The following METTL8 variants were observed in gnomAD, a reference collection of about 807,000 sequenced individuals.
METTL8 encodes methyltransferase 8, tRNA N3-cytidine, also known as tRNA N(3)-cytidine methyltransferase METTL8, mitochondrial.
Under a neutral mutation model 48.7 loss-of-function variants are expected in METTL8, and 32 were observed. The ratio of observed to expected loss-of-function variants is 0.66; its 90% CI spans 0.50 to 0.88. METTL8 has a LOEUF of 0.88. Among genes scored for constraint, METTL8 ranks in the 40% least tolerant of loss-of-function variants. The probability of loss-of-function intolerance (pLI) is 0.00; values close to 1 mark genes in which losing one functional copy is unlikely to be tolerated. For synonymous variants in METTL8, 136 were observed against 157.1 expected, an observed-to-expected ratio of 0.87 and a Z score of 1.01; for missense variants, 464 against 474.4, an observed-to-expected ratio of 0.98 and a Z score of 0.20.
At chr2:171,330,834 C>A in intron 6 of METTL8, 136 bp from the exon 7 acceptor site, 1 of 668,140 alleles carries the variant, frequency 1.5e-6, no homozygotes, top group Non-Finnish European at 2.5e-6. Flanking sequence ...ACACTTTTTT[C>A]CAATTCAGTA....
intron 2 of METTL8, among the ~76,000 whole-genome samples, chr2:171,374,686 C>T (rs1007870278): frequency 1.3e-5 from 2 of 150,318 alleles, no homozygotes; most frequent in Non-Finnish European, 1.5e-5. Flanking sequence ...CCACCACTAG[C>T]ATCCACTGAT....
intron 1 of METTL8, among the ~76,000 whole-genome samples, chr2:171,415,791 T>C (rs1183376120): frequency 6.6e-6 from 1 of 152,194 alleles, no homozygotes; most frequent in Non-Finnish European, 1.5e-5. Flanking sequence ...GATGGTATAA[T>C]AGGCAGTAGG....
At position 171,319,644 on chromosome 2, in the gene METTL8, G is replaced by A. The variant is rs754829527; in HGVS notation, c.*4528C>T. The A allele has an allele frequency of 5.9e-5, 9 of 152,206 alleles. No individual in the cohort carries two copies. The highest frequency in any genetic ancestry group is 1.0e-4 in the Non-Finnish European group (7 of 68,038). 9.4% of individuals were successfully genotyped at this position (152,206 alleles called of 1,614,324 possible). ...AGCATATGGAATCGAGAGAGGCAAA[G>A]CAAATAAGTTCTCAGAAGTCAATGT... On this transcript the variant is annotated 3_prime_UTR_variant, in exon 10 of 10. Transcript: ENST00000375258.
chr2:171,421,969 T>C (rs148753064), intron 1 of METTL8, among the ~76,000 whole-genome samples: 1 of 152,350 alleles, frequency 6.6e-6, no homozygotes, highest in East Asian at 1.9e-4. Context: ...AATAAGGCTT[T>C]TGGGAAGCCC....
At chr2:171,382,412 A>G (rs1345692106) in intron 2 of METTL8, among the ~76,000 whole-genome samples, 2 of 152,190 alleles carry the variant, frequency 1.3e-5, no homozygotes, top group East Asian at 3.9e-4. Flanking sequence ...CAGGGACATA[A>G]ATGAAGCTGG....
chr2:171,351,915 A>G (rs1683972793), intron 3 of METTL8, among the ~76,000 whole-genome samples: 1 of 152,116 alleles, frequency 6.6e-6, no homozygotes, highest in Non-Finnish European at 1.5e-5. Flanking sequence ...GCAAATAGGG[A>G]AAATTTGACT....
At position 171,324,300 on chromosome 2, in the gene METTL8, G is replaced by A. The variant is rs1295443082; in HGVS notation, c.1096C>T (p.Arg366Cys). Residue 366 changes from arginine to cysteine, a missense_variant, in exon 10 of 10, where the codon CGC becomes TGC. By Grantham distance (180) the Arg-to-Cys change is radical (BLOSUM62 -3). Coordinates refer to ENST00000375258, the MANE Select transcript of METTL8 (RefSeq NM_001321154.2). ...LDEKQNLVDR[R>C]LQVNRKKQVK... ...TGTTTTTTCCTATTAACTTGTAAGC[G>A]GCGATCAACCAGATTTTGCTTTTCA... 16 of 1,551,426 alleles carry A rather than the reference G, an allele frequency of 1.0e-5. 2 individuals are homozygous for A. The Admixed American group carries it at 1.4e-4, about 13-fold the overall frequency.
At chr2:171,430,802 G>A (rs1456630831) in intron 1 of METTL8, among the ~76,000 whole-genome samples, 1 of 152,166 alleles carries the variant, frequency 6.6e-6, no homozygotes, top group Non-Finnish European at 1.5e-5. Flanking sequence ...GGACCAGATC[G>A]AGAACCTCTC....
intron 2 of METTL8, among the ~76,000 whole-genome samples, chr2:171,388,957 C>T (rs1688325502): frequency 6.6e-6 from 1 of 152,146 alleles, no homozygotes; most frequent in Non-Finnish European, 1.5e-5. Context: ...CTCCACTGAC[C>T]TGGCTTTCCC....
At position 171,318,737 on chromosome 2, in the gene METTL8, T is replaced by G. The variant is rs112538401; in HGVS notation, c.*5435A>C. 6.6e-6 allele frequency: 1 copy of G among 152,088 alleles called. No homozygotes were observed. The highest frequency in any genetic ancestry group is 2.4e-5 in the African/African-American group (1 of 41,408). 9.4% of individuals were successfully genotyped at this position (152,088 alleles called of 1,614,324 possible). On this transcript the variant is annotated 3_prime_UTR_variant, in exon 10 of 10. Coordinates refer to ENST00000375258, the MANE Select transcript of METTL8 (RefSeq NM_001321154.2). ...ATGAGCCATAACCTTGAAGGTCGTC[T>G]GAAACAAACTCCTCTCCACTGCTAT...
intron 1 of METTL8, among the ~76,000 whole-genome samples, chr2:171,396,636 G>C (rs1029226474): frequency 6.6e-6 from 1 of 152,080 alleles, no homozygotes; most frequent in Admixed American, 6.5e-5. Flanking sequence ...ATTTCCAAAT[G>C]TTAAGGAATT....
In METTL8 at chr2:171,356,952, A is replaced by ATTTTTTTTTTTTTTTTTTT. The variant is rs763021449; in HGVS notation, c.235+3469_235+3470insAAAAAAAAAAAAAAAAAAA. Among the ~76,000 whole-genome samples the ATTTTTTTTTTTTTTTTTTT allele has an allele frequency of 1.8e-4, 14 of 78,472 alleles. 4 individuals carry two copies. The highest frequency in any genetic ancestry group is 3.9e-4 in the Admixed American group (2 of 5,186). The allele number at this position is 78,472 out of a possible 152,430, so 51.5% of individuals were successfully genotyped here. A position where few individuals can be genotyped will look rare whatever the true frequency, so the allele number is the denominator to read the frequency against. The stretch of plus-strand genomic sequence containing the variant: ...CAAATTAGCCTTGTTCAAAGACAAT[A>ATTTTTTTTTTTTTTTTTTT]TTTTTTTTTTTTTTTTTGAGACAGG... On this transcript the variant is annotated intron_variant, in intron 3 of 9. Coordinates refer to ENST00000375258, the MANE Select transcript of METTL8 (RefSeq NM_001321154.2).
intron 2 of METTL8, among the ~76,000 whole-genome samples, chr2:171,367,374 CTTATGTCAG>C (rs540454652): frequency 0.019 from 2,865 of 152,170 alleles, 88 homozygotes; most frequent in African/African-American, 0.065. Flanking sequence ...GCAAGGAGAT[CTTATGTCAG>C]CATAGGGGGA....
chr2:171,356,924 A>G (rs1304927861), intron 3 of METTL8, among the ~76,000 whole-genome samples: 1 of 137,332 alleles, frequency 7.3e-6, no homozygotes, highest in Non-Finnish European at 1.6e-5. Flanking sequence ...GAAAGGAAGA[A>G]GTCAAATTAG....
chr2:171,343,589 T>G (rs17219416), intron 3 of METTL8, among the ~76,000 whole-genome samples: 17,238 of 152,184 alleles, frequency 0.11, 1,258 homozygotes, highest in Middle Eastern at 0.21. Context: ...TTTGAAGCAA[T>G]GATAACAATT....
intron 1 of METTL8, among the ~76,000 whole-genome samples, chr2:171,430,801 C>T (rs914188014): frequency 3.3e-5 from 5 of 152,142 alleles, no homozygotes; most frequent in African/African-American, 7.2e-5. Flanking sequence ...TGGACCAGAT[C>T]GAGAACCTCT....
At chr2:171,352,074 C>T (rs1401466632) in intron 3 of METTL8, among the ~76,000 whole-genome samples, 6 of 152,052 alleles carry the variant, frequency 3.9e-5, no homozygotes, top group East Asian at 1.9e-4. Context: ...TCTGCCCGTA[C>T]GTATGATATT....
rs1559068701 is a variant in METTL8 at position 171,339,520 on chromosome 2, G to C, written c.270C>G (p.Asp90Glu). 3 of 1,592,014 alleles carry C rather than the reference G, an allele frequency of 1.9e-6. No individual in the cohort carries two copies. Among genetic ancestry groups the C allele is most frequent in the Non-Finnish European group, 1.7e-6 (2 of 1,163,352 alleles). The change falls in exon 4 of 10, where the codon GAC becomes GAG. Residue 90 changes from aspartate to glutamate, a missense_variant. Transcript: ENST00000375258. ...KYEREASKYWDTFYKIHKNKF... is the reference protein window; with the variant it reads ...KYEREASKYWETFYKIHKNKF... ...TATTCTTATGAATCTTGTAAAATGT[G>C]TCCCAGTATTTACTAGCTTCTCTCT...
chr2:171,349,416 T>C (rs1327334200), intron 3 of METTL8, among the ~76,000 whole-genome samples: 2 of 152,210 alleles, frequency 1.3e-5, no homozygotes, highest in Admixed American at 6.5e-5. Flanking sequence ...TCATACAGTA[T>C]CTGTCTTTTT....
Sources: gnomAD v4.1 joint callset for allele counts (sites outside exome capture counted in the v4.1 genomes callset) on GRCh38, gnomAD v4.1.1 for gene constraint, MANE v1.5 for transcripts, NCBI Gene and HGNC (gene_info 2026-07-23, HGNC 2026-07-21) for gene names.